The following PLCG2 variants were observed in gnomAD, a reference collection of about 807,000 sequenced individuals.
The protein encoded by PLCG2 is 1-phosphatidylinositol 4,5-bisphosphate phosphodiesterase gamma-2.
Under a neutral mutation model 175.6 loss-of-function variants are expected in PLCG2, and 69 were observed. The observed-to-expected ratio is 0.39, with a 90% CI of 0.32 to 0.48. The LOEUF (loss-of-function observed/expected upper bound fraction) is 0.48. Among genes scored for constraint, PLCG2 ranks in the 20% least tolerant of loss-of-function variants. PLCG2 has a pLI of 0.91. For synonymous variants in PLCG2, 827 were observed against 624.0 expected (o/e 1.33, Z -4.85); for missense variants, 1,798 against 1,650.9 (o/e 1.09, Z -1.54).
intron 2 of PLCG2, among the ~76,000 whole-genome samples, chr16:81,827,716 A>G (rs1025865350): frequency 2.6e-5 from 4 of 152,056 alleles, no homozygotes; most frequent in Non-Finnish European, 4.4e-5. Context: ...GACAGATCCT[A>G]CGTCATGCTG....
At chr16:81,828,026 C>T (rs1192865822) in intron 2 of PLCG2, among the ~76,000 whole-genome samples, 2 of 143,694 alleles carry the variant, frequency 1.4e-5, no homozygotes, top group African/African-American at 5.2e-5. Context: ...GGAGGCGGAG[C>T]TTGCACTGAG....
At chr16:81,753,857 G>C (rs1909863515) in intron 1 of PLCG2, among the ~76,000 whole-genome samples, 1 of 152,194 alleles carries the variant, frequency 6.6e-6, no homozygotes, top group Non-Finnish European at 1.5e-5. Flanking sequence ...GGAGGGCTGG[G>C]AGAGGGCCTG....
chr16:81,912,607 G>C lies in PLCG2; in HGVS notation c.1945G>C (p.Asp649His). 6.2e-7 allele frequency: 1 copy of C among 1,612,538 alleles called. No individual in the cohort carries two copies. The highest frequency in any genetic ancestry group is 8.5e-7 in the Non-Finnish European group (1 of 1,179,456). ...GGCCCTGTGCCGCAGGTGGTACTATGACAGCCTGAGCCGCGGAGAGGCAGA... is the reference window on the plus strand; with the variant it reads ...GGCCCTGTGCCGCAGGTGGTACTATCACAGCCTGAGCCGCGGAGAGGCAGA... ...NPHESKPWYY[D>H]SLSRGEAEDM... Residue 649 changes from aspartate to histidine, a missense_variant, in exon 19 of 33, where the codon GAC becomes CAC. Transcript: ENST00000564138.
chr16:81,863,035 T>C (rs955336974), intron 5 of PLCG2, among the ~76,000 whole-genome samples: 14 of 152,218 alleles, frequency 9.2e-5, no homozygotes, highest in Non-Finnish European at 1.3e-4. Context: ...TTTATTGTGG[T>C]AACAACAATG....
chr16:81,947,302 C>A (rs945240361), intron 31 of PLCG2, among the ~76,000 whole-genome samples: 1 of 152,142 alleles, frequency 6.6e-6, no homozygotes, highest in Non-Finnish European at 1.5e-5. Flanking sequence ...GGAAAGTCGA[C>A]GCTCACAAAT....
chr16:81,846,791 C>T (rs62045704), intron 2 of PLCG2, among the ~76,000 whole-genome samples: 28,743 of 152,116 alleles, frequency 0.19, 3,199 homozygotes, highest in Non-Finnish European at 0.26. Flanking sequence ...CAATACAGCA[C>T]GAAACACTTC....
chr16:81,772,314 T>TG (rs1910299394), intron 2 of PLCG2, among the ~76,000 whole-genome samples: 2 of 152,126 alleles, frequency 1.3e-5, no homozygotes, highest in South Asian at 4.2e-4. Context: ...GAGAAAGGCG[T>TG]GGGGCAGATT....
chr16:81,827,190 G>GTTTTTTTTTTTT (rs368220809), intron 2 of PLCG2, among the ~76,000 whole-genome samples: 4 of 144,066 alleles, frequency 2.8e-5, no homozygotes, highest in African/African-American at 5.2e-5. Flanking sequence ...GGATTGCTGG[G>GTTTTTTTTTTTT]TTTTTTTTTT....
At chr16:81,895,699 G>C (rs1908852365) in intron 12 of PLCG2, 108 bp from the exon 13 acceptor site, 3 of 1,231,260 alleles carry the variant, frequency 2.4e-6, no homozygotes, top group Non-Finnish European at 3.5e-6. Context: ...AATGGAGGGA[G>C]TGTGGGTGTC....
intron 7 of PLCG2, among the ~76,000 whole-genome samples, chr16:81,871,699 A>T (rs1256916594): frequency 1.3e-5 from 2 of 152,190 alleles, no homozygotes; most frequent in Non-Finnish European, 2.9e-5. Context: ...ATAATAGACT[A>T]TTTAAAAATT....
chr16:81,954,435 G>A (rs1389988477), intron 31 of PLCG2, among the ~76,000 whole-genome samples: 1 of 152,160 alleles, frequency 6.6e-6, no homozygotes, highest in East Asian at 1.9e-4. Context: ...AGGTATACGT[G>A]TGCCATGGTG....
chr16:81,780,167 G>A (rs531633465), intron 1 of PLCG2, among the ~76,000 whole-genome samples: 2 of 152,104 alleles, frequency 1.3e-5, no homozygotes, highest in Non-Finnish European at 2.9e-5. Flanking sequence ...GTGGTAAAGG[G>A]GTGACATGGC....
intron 25 of PLCG2, among the ~76,000 whole-genome samples, 190 bp from the exon 26 acceptor site, chr16:81,934,239 C>T (rs539787742): frequency 1.3e-3 from 191 of 152,084 alleles, no homozygotes; most frequent in Middle Eastern, 6.8e-3. Flanking sequence ...ACAGCTTTGT[C>T]GAGAATTTTC....
chr16:81,771,917 G>C (rs1009038539), intron 2 of PLCG2, among the ~76,000 whole-genome samples: 1 of 152,106 alleles, frequency 6.6e-6, no homozygotes, highest in African/African-American at 2.4e-5. Flanking sequence ...CCAACTAGCT[G>C]GGACTACAGG....
intron 2 of PLCG2, among the ~76,000 whole-genome samples, chr16:81,771,794 G>T (rs1429212843): frequency 6.7e-6 from 1 of 150,172 alleles, no homozygotes; most frequent in African/African-American, 2.5e-5. Context: ...TTGTTTGTTT[G>T]TTTTTTTGAG....
intron 2 of PLCG2, among the ~76,000 whole-genome samples, chr16:81,815,176 C>A (rs1282311482): frequency 6.6e-6 from 1 of 152,166 alleles, no homozygotes; most frequent in Non-Finnish European, 1.5e-5. Flanking sequence ...AACGCCTCTT[C>A]ATGCAGAGGG....
rs138504153 is a variant in PLCG2, at chr16:81,798,707, G to T, written c.193+12525G>T. 1,046 of 152,398 alleles carry T rather than the reference G, an allele frequency of 6.9e-3. 4 individuals are homozygous for T. The highest frequency in any genetic ancestry group is 0.014 in the Middle Eastern group (4 of 294). 9.4% of individuals were successfully genotyped at this position (152,398 alleles called of 1,614,324 possible). A position where few individuals can be genotyped will look rare whatever the true frequency, so the allele number is the denominator to read the frequency against. The stretch of plus-strand genomic sequence containing the variant: ...TCTGTTTTGAGAAAGAAGGAAATGG[G>T]AACTTACTAATTTGTAGAATGGAAA... On this transcript the variant is annotated intron_variant, in intron 2 of 32. Transcript: ENST00000564138.
At chr16:81,880,111 C>G (rs896414656) in intron 7 of PLCG2, among the ~76,000 whole-genome samples, 8 of 152,172 alleles carry the variant, frequency 5.3e-5, no homozygotes, top group African/African-American at 1.9e-4. Context: ...CATGGTGGCG[C>G]ATGCCTGTAG....
intron 30 of PLCG2, among the ~76,000 whole-genome samples, chr16:81,943,877 T>G (rs1269978371): frequency 6.6e-6 from 1 of 152,018 alleles, no homozygotes; most frequent in Non-Finnish European, 1.5e-5. Context: ...TATAAAACAT[T>G]CAGGTTTTAT....
Sources: gnomAD v4.1 joint callset for allele counts (sites outside exome capture counted in the v4.1 genomes callset) on GRCh38, gnomAD v4.1.1 for gene constraint, MANE v1.5 for transcripts, NCBI Gene and HGNC (gene_info 2026-07-23, HGNC 2026-07-21) for gene names.